The following KIAA1549L variants were observed in gnomAD, a reference collection of about 807,000 sequenced individuals.
KIAA1549L encodes UPF0606 protein KIAA1549L.
Under a neutral mutation model 160.7 loss-of-function variants are expected in KIAA1549L, and 88 were observed. That is an observed-to-expected ratio of 0.55 (90% confidence interval 0.46 to 0.65). The LOEUF (loss-of-function observed/expected upper bound fraction) is 0.65. KIAA1549L is among the 30% of genes least tolerant of loss of function. The probability of loss-of-function intolerance (pLI) is 0.00; values close to 1 mark genes in which losing one functional copy is unlikely to be tolerated. For synonymous variants in KIAA1549L, 950 were observed against 976.7 expected, an observed-to-expected ratio of 0.97 and a Z score of 0.51; for missense variants, 2,258 against 2,437.5, an observed-to-expected ratio of 0.93 and a Z score of 1.55.
rs796549162 is a variant in KIAA1549L, at chr11:33,431,698, C to T, written c.238+54809C>T. Among the ~76,000 whole-genome samples the T allele has an allele frequency of 2.2e-4, 34 of 152,254 alleles. 1 individual carries two copies. The highest frequency in any genetic ancestry group is 1.0e-3 in the South Asian group (5 of 4,832). ...TGGCTTCACCCAGTGGATCCCGCAC[C>T]GGGGCTGCAGGTGGAGCTGCCTGCC... On this transcript the variant is annotated intron_variant, in intron 1 of 20. Coordinates refer to ENST00000658780, the MANE Select transcript of KIAA1549L (RefSeq NM_012194.3).
intron 10 of KIAA1549L, among the ~76,000 whole-genome samples, chr11:33,579,226 C>T (rs1191571817): frequency 6.6e-6 from 1 of 152,130 alleles, no homozygotes; most frequent in Non-Finnish European, 1.5e-5. Flanking sequence ...ATAATTGTTG[C>T]CTGTAAAGGG....
At chr11:33,622,731 GC>G (rs1280625773) in intron 16 of KIAA1549L, among the ~76,000 whole-genome samples, 1 of 152,182 alleles carries the variant, frequency 6.6e-6, no homozygotes, top group Non-Finnish European at 1.5e-5. Context: ...TCCACGGCAG[GC>G]ACCAGGCAAA....
chr11:33,585,261 G>C (rs895897458), intron 11 of KIAA1549L, among the ~76,000 whole-genome samples: 4 of 152,210 alleles, frequency 2.6e-5, no homozygotes, highest in African/African-American at 9.6e-5. Flanking sequence ...GCTCACGCCT[G>C]TAATCCCAGC....
intron 20 of KIAA1549L, among the ~76,000 whole-genome samples, chr11:33,664,487 A>G (rs1356109983): frequency 1.3e-5 from 2 of 152,086 alleles, no homozygotes; most frequent in African/African-American, 4.8e-5. Flanking sequence ...ACCCCATCCA[A>G]TTGGTGATGT....
chr11:33,405,849 A>AAAAAG (rs1850638463), intron 1 of KIAA1549L, among the ~76,000 whole-genome samples: 2 of 151,390 alleles, frequency 1.3e-5, no homozygotes, highest in East Asian at 1.9e-4. Context: ...CAAAAAAAAA[A>AAAAAG]AAAAAAAAAA....
chr11:33,518,138 CAAAAAAAAAAAA>C (rs560876643), intron 1 of KIAA1549L, among the ~76,000 whole-genome samples: 1 of 59,414 alleles, frequency 1.7e-5, no homozygotes, highest in Non-Finnish European at 3.0e-5. Context: ...GACTCTGTCT[CAAAAAAAAAAAA>C]AAAAAAAAAA....
At chr11:33,436,061 C>A (rs1056634303) in intron 1 of KIAA1549L, among the ~76,000 whole-genome samples, 1 of 150,012 alleles carries the variant, frequency 6.7e-6, no homozygotes, top group Non-Finnish European at 1.5e-5. Context: ...GTACTATAAG[C>A]GATCTGGAGA....
intron 1 of KIAA1549L, among the ~76,000 whole-genome samples, chr11:33,405,610 G>C (rs892125624): frequency 6.6e-6 from 1 of 150,878 alleles, no homozygotes; most frequent in African/African-American, 2.4e-5. Flanking sequence ...TTGGGAGGCC[G>C]AGGTGGGTGG....
rs117576704 is a variant in KIAA1549L, at chr11:33,494,496, A to G, written c.239-47306A>G. 5.6e-4 allele frequency among the ~76,000 whole-genome samples: 86 copies of G among 152,340 alleles called. 4 individuals carry two copies. In the East Asian group the frequency reaches 0.016, roughly 28 times the overall value. Reference sequence around the variant, plus strand: ...CTAGACCTGCTAGAGATTACTTAACATGTAGCCAGATAGCTCCTTACTGGC... The same window carrying G: ...CTAGACCTGCTAGAGATTACTTAACGTGTAGCCAGATAGCTCCTTACTGGC... On this transcript the variant is annotated intron_variant, in intron 1 of 20. Transcript: ENST00000658780.
Position 33,661,359 on chromosome 11 carries a change from A to G in KIAA1549L, c.6159+345A>G, listed in dbSNP as rs117045445. 4.1e-3 allele frequency among the ~76,000 whole-genome samples: 620 copies of G among 152,294 alleles called. 3 individuals carry two copies. The highest frequency in any genetic ancestry group is 0.01 in the Middle Eastern group (3 of 294). On this transcript the variant is annotated intron_variant, in intron 20 of 20. Coordinates refer to ENST00000658780, the MANE Select transcript of KIAA1549L (RefSeq NM_012194.3). ...TTTATATTATTTAATCTTTATTACA[A>G]TCTTAGGTAGGTATTATTCCCGTGA... is the stretch of plus-strand genomic sequence containing the variant.
intron 17 of KIAA1549L, among the ~76,000 whole-genome samples, chr11:33,652,173 G>A (rs187277052): frequency 1.7e-4 from 26 of 151,696 alleles, no homozygotes; most frequent in Non-Finnish European, 3.4e-4. Context: ...CAACAGTTTC[G>A]TGCAATAGCT....
chr11:33,629,486 T>C (rs2133372153), intron 16 of KIAA1549L, among the ~76,000 whole-genome samples: 1 of 151,624 alleles, frequency 6.6e-6, no homozygotes. Flanking sequence ...TTTGCTCGTT[T>C]CTTTTTATTC....
intron 1 of KIAA1549L, among the ~76,000 whole-genome samples, chr11:33,487,293 G>A (rs1461786461): frequency 1.3e-5 from 2 of 152,092 alleles, no homozygotes; most frequent in Non-Finnish European, 2.9e-5. Context: ...TGGAGGGGTG[G>A]GACTGTGAGA....
intron 1 of KIAA1549L, among the ~76,000 whole-genome samples, chr11:33,448,924 C>T (rs1247987241): frequency 1.3e-5 from 2 of 152,164 alleles, no homozygotes; most frequent in Non-Finnish European, 2.9e-5. Context: ...CCCTCAGTGA[C>T]TCACTTTGGT....
At chr11:33,435,772 A>ATGTGTGTGTGTGTGTG (rs1851342602) in intron 1 of KIAA1549L, among the ~76,000 whole-genome samples, 1 of 5,194 alleles carries the variant, frequency 1.9e-4, no homozygotes, top group African/African-American at 1.2e-3. Flanking sequence ...ATATATATAT[A>ATGTGTGTGTGTGTGTG]TATATATATA....
chr11:33,661,902 A>G (rs1427403406), intron 20 of KIAA1549L, among the ~76,000 whole-genome samples: 1 of 87,952 alleles, frequency 1.1e-5, no homozygotes, highest in Non-Finnish European at 2.6e-5. Context: ...AAAAAAAAAA[A>G]AAAAGAAACC....
intron 1 of KIAA1549L, among the ~76,000 whole-genome samples, chr11:33,390,596 GA>G (rs1284097068): frequency 6.6e-5 from 10 of 152,202 alleles, no homozygotes; most frequent in Admixed American, 6.5e-4. Flanking sequence ...GGCCAGAGGA[GA>G]AGGGGCACAT....
chr11:33,477,507 G>GCACGCGCACACA (rs374982374), intron 1 of KIAA1549L, among the ~76,000 whole-genome samples: 1,899 of 131,776 alleles, frequency 0.014, 23 homozygotes, highest in South Asian at 0.067. Context: ...GCAGGTGCAC[G>GCACGCGCACACA]CACACACACA....
At chr11:33,565,214 G>A (rs1855008659) in intron 8 of KIAA1549L, among the ~76,000 whole-genome samples, 1 of 152,112 alleles carries the variant, frequency 6.6e-6, no homozygotes, top group African/African-American at 2.4e-5. Context: ...AGAGGGCTAG[G>A]GAGCCTGAGC....
Sources: gnomAD v4.1 joint callset for allele counts (sites outside exome capture counted in the v4.1 genomes callset) on GRCh38, gnomAD v4.1.1 for gene constraint, MANE v1.5 for transcripts, NCBI Gene and HGNC (gene_info 2026-07-23, HGNC 2026-07-21) for gene names.